Variants in LYN observed in about 807,000 individuals in gnomAD.
The protein encoded by LYN is LYN proto-oncogene, Src family tyrosine kinase, also known as tyrosine-protein kinase Lyn.
A neutral mutation model predicts 65.0 loss-of-function variants in LYN; 12 were observed. The observed-to-expected ratio is 0.18, with a 90% CI of 0.12 to 0.30. The LOEUF (loss-of-function observed/expected upper bound fraction) is 0.30. LYN is among the 10% of genes least tolerant of loss of function. The pLI, the probability that LYN is intolerant of heterozygous loss-of-function variation, is 1.00. For synonymous variants in LYN, 222 were observed against 221.2 expected (o/e 1.00, Z -0.03); for missense variants, 380 against 623.2 (o/e 0.61, Z 4.16).
At chr8:55,981,293 G>A (rs945555457) in intron 10 of LYN, among the ~76,000 whole-genome samples, 12 of 152,042 alleles carry the variant, frequency 7.9e-5, no homozygotes, top group Non-Finnish European at 1.2e-4. Context: ...CTTCCATAGC[G>A]TGTACTGCAA....
At chr8:55,997,076 A>C (rs1045567482) in intron 10 of LYN, among the ~76,000 whole-genome samples, 1 of 151,358 alleles carries the variant, frequency 6.6e-6, no homozygotes, top group African/African-American at 2.4e-5. Context: ...AAGGAGAATC[A>C]CTTGAACCTA....
intron 10 of LYN, 107 bp downstream of exon 10, chr8:55,969,900 T>C (rs1400441744): frequency 1.0e-6 from 1 of 981,694 alleles, no homozygotes. Flanking sequence ...CTGTTGAATG[T>C]TTCCCAGCAG....
chr8:55,986,187 C>T (rs1202214193), intron 10 of LYN, among the ~76,000 whole-genome samples: 2 of 150,124 alleles, frequency 1.3e-5, no homozygotes, highest in Non-Finnish European at 3.0e-5. Context: ...CACCAGAATC[C>T]CCCCCGCAAA....
At chr8:55,930,734 T>C (rs888761947) in intron 1 of LYN, among the ~76,000 whole-genome samples, 2 of 152,164 alleles carry the variant, frequency 1.3e-5, no homozygotes, top group Non-Finnish European at 2.9e-5. Context: ...AGCATGTTGA[T>C]GGGGGACCAA....
intron 10 of LYN, among the ~76,000 whole-genome samples, chr8:55,986,184 A>AGC (rs1808067155): frequency 3.6e-5 from 4 of 111,462 alleles, no homozygotes; most frequent in African/African-American, 4.2e-5. Context: ...ATCCACCAGA[A>AGC]TCCCCCCCGC....
chr8:55,995,479 A>G (rs1808349303), intron 10 of LYN, among the ~76,000 whole-genome samples: 1 of 152,118 alleles, frequency 6.6e-6, no homozygotes, highest in African/African-American at 2.4e-5. Flanking sequence ...CCCTCATGAA[A>G]TGAAGCCTCC....
At chr8:55,967,625 G>A (rs1228497714) in intron 9 of LYN, among the ~76,000 whole-genome samples, 2 of 152,044 alleles carry the variant, frequency 1.3e-5, no homozygotes, top group Non-Finnish European at 1.5e-5. Flanking sequence ...TTGTTCTTTA[G>A]CGTTATCTAA....
chr8:55,952,148 A>G, intron 7 of LYN, 33 bp downstream of exon 7: 2 of 1,544,544 alleles, frequency 1.3e-6, no homozygotes, highest in South Asian at 1.2e-5. Flanking sequence ...ACAAGACAAG[A>G]TATATTTGTT....
chr8:55,933,644 A>G (rs1806331758), intron 1 of LYN, among the ~76,000 whole-genome samples: 1 of 152,234 alleles, frequency 6.6e-6, no homozygotes, highest in African/African-American at 2.4e-5. Flanking sequence ...GTCGATAATT[A>G]CAGGACTGTC....
intron 1 of LYN, among the ~76,000 whole-genome samples, chr8:55,884,972 T>G (rs955591611): frequency 7.2e-5 from 11 of 152,206 alleles, no homozygotes; most frequent in Admixed American, 1.3e-4. Flanking sequence ...GATACAGTTT[T>G]CCTTGGTATA....
At chr8:55,940,107 T>C (rs1011214126) in intron 1 of LYN, 1 of 152,246 alleles carries the variant, frequency 6.6e-6, no homozygotes, top group Non-Finnish European at 1.5e-5. Context: ...AGAAGAGCTC[T>C]TGAGGTTTCT....
chr8:55,919,222 A>G (rs2130428523), intron 1 of LYN, among the ~76,000 whole-genome samples: 2 of 152,246 alleles, frequency 1.3e-5, no homozygotes, highest in South Asian at 4.1e-4. Flanking sequence ...AAAAGTGAAC[A>G]TGTGTGAGAA....
At chr8:55,986,653 G>A (rs1808081502) in intron 10 of LYN, among the ~76,000 whole-genome samples, 1 of 152,192 alleles carries the variant, frequency 6.6e-6, no homozygotes, top group Admixed American at 6.5e-5. Context: ...GCTTGGATAT[G>A]CCAAACACTG....
intron 10 of LYN, among the ~76,000 whole-genome samples, chr8:55,985,388 G>T (rs1040586935): frequency 1.3e-5 from 2 of 152,190 alleles, no homozygotes; most frequent in Non-Finnish European, 2.9e-5. Context: ...GGCTTCCCTC[G>T]CAAACACATG....
intron 1 of LYN, among the ~76,000 whole-genome samples, chr8:55,899,859 A>G (rs1258606450): frequency 6.6e-6 from 1 of 152,118 alleles, no homozygotes; most frequent in African/African-American, 2.4e-5. Flanking sequence ...CGTGTTGCCT[A>G]GGCTGGTCTG....
chr8:55,930,379 A>C (rs1806226395), intron 1 of LYN, among the ~76,000 whole-genome samples: 1 of 152,184 alleles, frequency 6.6e-6, no homozygotes. Context: ...ACATAAATAC[A>C]CTATTATATG....
At chr8:55,896,398 A>G (rs780079975) in intron 1 of LYN, among the ~76,000 whole-genome samples, 10 of 152,204 alleles carry the variant, frequency 6.6e-5, no homozygotes, top group Non-Finnish European at 1.5e-4. Context: ...GCAAACTAAC[A>G]TAAGAACAGA....
intron 12 of LYN, among the ~76,000 whole-genome samples, chr8:56,006,042 G>A (rs1046023800): frequency 1.2e-4 from 19 of 152,064 alleles, no homozygotes; most frequent in East Asian, 5.8e-4. Flanking sequence ...CCATGATTGC[G>A]CCATGTACTC....
chr8:55,913,161 C>T (rs1805690924), intron 1 of LYN, among the ~76,000 whole-genome samples: 1 of 152,160 alleles, frequency 6.6e-6, no homozygotes, highest in Non-Finnish European at 1.5e-5. Flanking sequence ...CCTGTGTTCG[C>T]TTCCTTTTCC....
Sources: gnomAD v4.1 joint callset for allele counts (sites outside exome capture counted in the v4.1 genomes callset) on GRCh38, gnomAD v4.1.1 for gene constraint, MANE v1.5 for transcripts, NCBI Gene and HGNC (gene_info 2026-07-23, HGNC 2026-07-21) for gene names.